The following KIAA1217 variants were observed in gnomAD, a reference collection of about 807,000 sequenced individuals.
KIAA1217 encodes the protein sickle tail protein homolog.
KIAA1217 carries 88 observed loss-of-function variants against 163.9 expected under a neutral mutation model. The ratio of observed to expected loss-of-function variants is 0.54; its 90% CI spans 0.45 to 0.64. The LOEUF is 0.64. Ranked by LOEUF, KIAA1217 falls within the 30% of genes least tolerant of loss-of-function variation. The pLI, the probability that KIAA1217 is intolerant of heterozygous loss-of-function variation, is 0.00. For synonymous variants in KIAA1217, 903 were observed against 923.1 expected (o/e 0.98, Z 0.39); for missense variants, 2,372 against 2,475.0 (o/e 0.96, Z 0.88).
At chr10:24,375,295 G>C (rs923562233) in intron 2 of KIAA1217, among the ~76,000 whole-genome samples, 1 of 152,138 alleles carries the variant, frequency 6.6e-6, no homozygotes, top group African/African-American at 2.4e-5. Flanking sequence ...ACCCAGCATG[G>C]ACATTAAAGA....
intron 1 of KIAA1217, among the ~76,000 whole-genome samples, chr10:23,912,022 T>C (rs982015455): frequency 3.3e-5 from 5 of 152,264 alleles, no homozygotes; most frequent in Non-Finnish European, 7.4e-5. Context: ...CTCGTTGACA[T>C]GCACCCCTTC....
intron 2 of KIAA1217, among the ~76,000 whole-genome samples, chr10:24,036,883 T>A (rs1589266959): frequency 1.3e-5 from 2 of 152,280 alleles, no homozygotes; most frequent in South Asian, 4.1e-4. Context: ...CCAAACTAAA[T>A]CAACAGGGTA....
intron 2 of KIAA1217, among the ~76,000 whole-genome samples, chr10:24,152,193 G>A (rs1037706529): frequency 5.3e-5 from 8 of 152,190 alleles, no homozygotes; most frequent in Admixed American, 1.3e-4. Context: ...TTCATGCAGC[G>A]AGCATATGAT....
chr10:24,215,589 C>T (rs1481542654), intron 1 of KIAA1217, among the ~76,000 whole-genome samples: 1 of 152,202 alleles, frequency 6.6e-6, no homozygotes, highest in Non-Finnish European at 1.5e-5. Flanking sequence ...TGTCCTCTGC[C>T]TGATCCCTCT....
At chr10:24,157,269 G>A (rs563133240) in intron 2 of KIAA1217, among the ~76,000 whole-genome samples, 1 of 152,052 alleles carries the variant, frequency 6.6e-6, no homozygotes, top group Non-Finnish European at 1.5e-5. Context: ...TATTTTTTGT[G>A]TGCTAATTTG....
At chr10:24,387,508 C>T (rs1236587871) in intron 3 of KIAA1217, among the ~76,000 whole-genome samples, 6 of 152,188 alleles carry the variant, frequency 3.9e-5, no homozygotes, top group Non-Finnish European at 8.8e-5. Flanking sequence ...CAGGGATGCC[C>T]TTTCTCACTA....
At chr10:23,888,429 T>C (rs909523299) in intron 1 of KIAA1217, among the ~76,000 whole-genome samples, 1 of 151,944 alleles carries the variant, frequency 6.6e-6, no homozygotes, top group African/African-American at 2.4e-5. Context: ...CCTGAATAGA[T>C]ATACACATCT....
At chr10:23,893,832 A>C (rs1841538022) in intron 1 of KIAA1217, among the ~76,000 whole-genome samples, 1 of 152,114 alleles carries the variant, frequency 6.6e-6, no homozygotes. Flanking sequence ...AGGCTGGTTC[A>C]ATATACGCAA....
intron 5 of KIAA1217, among the ~76,000 whole-genome samples, chr10:24,457,431 T>C (rs528659934): frequency 6.6e-6 from 1 of 150,988 alleles, no homozygotes; most frequent in East Asian, 1.9e-4. Context: ...TGGAGTGCAG[T>C]GGTATAATCA....
intron 2 of KIAA1217, among the ~76,000 whole-genome samples, chr10:24,329,288 T>C (rs2045354832): frequency 6.7e-6 from 1 of 149,234 alleles, no homozygotes; most frequent in Non-Finnish European, 1.5e-5. Flanking sequence ...AGTTTATAAA[T>C]ATATTTTTTA....
chr10:23,899,722 AG>A (rs1841875052), intron 1 of KIAA1217, among the ~76,000 whole-genome samples: 1 of 152,122 alleles, frequency 6.6e-6, no homozygotes, highest in African/African-American at 2.4e-5. Context: ...TAGAAAGCTC[AG>A]AGGACCACAG....
chr10:24,416,673 G>A (rs1422511930), intron 3 of KIAA1217, among the ~76,000 whole-genome samples: 1 of 152,132 alleles, frequency 6.6e-6, no homozygotes, highest in Non-Finnish European at 1.5e-5. Flanking sequence ...TCACAGTTGT[G>A]GGCTGGATCA....
At chr10:24,006,651 G>A (rs142626277) in intron 1 of KIAA1217, among the ~76,000 whole-genome samples, 10 of 152,210 alleles carry the variant, frequency 6.6e-5, no homozygotes, top group African/African-American at 2.4e-4. Flanking sequence ...ATTCCATTTA[G>A]ACAGAAACCT....
intron 1 of KIAA1217, among the ~76,000 whole-genome samples, chr10:23,784,959 A>T (rs1215281990): frequency 6.6e-6 from 1 of 152,048 alleles, no homozygotes; most frequent in East Asian, 1.9e-4. Flanking sequence ...CTTTTGAACA[A>T]TTTTGCTATC....
intron 1 of KIAA1217, among the ~76,000 whole-genome samples, chr10:23,715,989 A>C (rs2130748201): frequency 6.6e-6 from 1 of 152,316 alleles, no homozygotes; most frequent in Admixed American, 6.5e-5. Flanking sequence ...GTGATGAGAA[A>C]GCAGAAATTG....
At chr10:24,464,524 C>T (rs2062746195) in intron 5 of KIAA1217, among the ~76,000 whole-genome samples, 1 of 152,104 alleles carries the variant, frequency 6.6e-6, no homozygotes, top group African/African-American at 2.4e-5. Flanking sequence ...CACTCTGTCA[C>T]CCAGGCTGGA....
At chr10:23,894,963 T>C (rs113442532) in intron 1 of KIAA1217, among the ~76,000 whole-genome samples, 30 of 152,156 alleles carry the variant, frequency 2.0e-4, no homozygotes, top group African/African-American at 7.2e-4. Context: ...ACTGGATCCC[T>C]TCCTTACACC....
chr10:23,834,525 TA>T (rs1838358738), intron 1 of KIAA1217, among the ~76,000 whole-genome samples: 1 of 151,892 alleles, frequency 6.6e-6, no homozygotes, highest in African/African-American at 2.4e-5. Flanking sequence ...CGATAAAAAA[TA>T]AACATGCCAT....
chr10:23,819,578 A>C (rs1837522877), intron 1 of KIAA1217, among the ~76,000 whole-genome samples: 2 of 152,178 alleles, frequency 1.3e-5, no homozygotes, highest in Non-Finnish European at 2.9e-5. Context: ...GCTGAATGCA[A>C]ACCTAAATAA....
Sources: allele counts gnomAD v4.1 joint callset (sites outside exome capture counted in the v4.1 genomes callset), GRCh38; gene constraint gnomAD v4.1.1; transcripts MANE v1.5; gene names NCBI Gene and HGNC (gene_info 2026-07-23, HGNC 2026-07-21).